The following DACH1 variants were observed in gnomAD, a reference collection of about 807,000 sequenced individuals.
The protein encoded by DACH1 is dachshund family transcription factor 1.
Under a neutral mutation model 54.2 loss-of-function variants are expected in DACH1, and 12 were observed. That is an observed-to-expected ratio of 0.22 (90% CI 0.14 to 0.36). DACH1 has a LOEUF of 0.36. Ranked by LOEUF, DACH1 falls within the 10% of genes least tolerant of loss-of-function variation. The pLI, the probability that DACH1 is intolerant of heterozygous loss-of-function variation, is 1.00. For missense variants in DACH1, 805 were observed against 929.8 expected, an observed-to-expected ratio of 0.87 and a Z score of 1.75; for synonymous variants, 386 against 366.2, an observed-to-expected ratio of 1.05 and a Z score of -0.62.
chr13:71,530,051 A>G (rs1314901254), intron 6 of DACH1, among the ~76,000 whole-genome samples: 1 of 152,218 alleles, frequency 6.6e-6, no homozygotes, highest in African/African-American at 2.4e-5. Context: ...AAATTAAAAG[A>G]CCTTTCATGC....
intron 3 of DACH1, among the ~76,000 whole-genome samples, chr13:71,628,982 A>C (rs916676450): frequency 6.6e-6 from 1 of 152,068 alleles, no homozygotes; most frequent in African/African-American, 2.4e-5. Context: ...TCCTTTTCTA[A>C]AATTTTGAAA....
At chr13:71,456,649 A>AT (rs1875589718) in intron 10 of DACH1, among the ~76,000 whole-genome samples, 1 of 152,070 alleles carries the variant, frequency 6.6e-6, no homozygotes, top group African/African-American at 2.4e-5. Context: ...CAAAATGCTG[A>AT]TTTTATCTTA....
At chr13:71,840,349 C>T (rs986951621) in intron 1 of DACH1, among the ~76,000 whole-genome samples, 1 of 152,174 alleles carries the variant, frequency 6.6e-6, no homozygotes, top group Non-Finnish European at 1.5e-5. Flanking sequence ...TATCATTCCC[C>T]TAATTAAAAA....
In DACH1 at chr13:71,438,627, G is replaced by C. The variant is rs1047679556; in HGVS notation, c.*2028C>G. The C allele has an allele frequency of 4.6e-5, 7 of 152,358 alleles. No homozygotes were observed. Among genetic ancestry groups the C allele is most frequent in the Non-Finnish European group, 1.0e-4 (7 of 67,878 alleles). The allele number at this position is 152,358 out of a possible 1,614,324, so 9.4% of individuals were successfully genotyped here. A position where few individuals can be genotyped will look rare whatever the true frequency, so the allele number is the denominator to read the frequency against. ...AACAGGTGACTCTATGCCAGGAGCA[G>C]AGCAATGGCTGATTCTACTACATAT... On this transcript the variant is annotated 3_prime_UTR_variant, in exon 11 of 11. Coordinates refer to ENST00000613252, the MANE Select transcript of DACH1 (RefSeq NM_080759.6).
At chr13:71,457,403 T>C (rs758982633) in intron 10 of DACH1, among the ~76,000 whole-genome samples, 2 of 152,000 alleles carry the variant, frequency 1.3e-5, no homozygotes, top group Non-Finnish European at 2.9e-5. Context: ...CATAACACTA[T>C]GTATTTTTAT....
chr13:71,788,064 CTATG>C, intron 1 of DACH1, among the ~76,000 whole-genome samples: 1 of 152,084 alleles, frequency 6.6e-6, no homozygotes, highest in African/African-American at 2.4e-5. Context: ...TATAAACACA[CTATG>C]TGTGTATGTG....
At chr13:71,663,013 C>A (rs554029888) in intron 2 of DACH1, among the ~76,000 whole-genome samples, 1 of 152,024 alleles carries the variant, frequency 6.6e-6, no homozygotes, top group South Asian at 2.1e-4. Flanking sequence ...GTGCGCATTT[C>A]ACAAATAAAT....
intron 1 of DACH1, among the ~76,000 whole-genome samples, chr13:71,766,840 TAAAA>T (rs574549328): frequency 1.4e-5 from 2 of 146,576 alleles, no homozygotes; most frequent in Non-Finnish European, 3.0e-5. Context: ...AGAAAAGGCT[TAAAA>T]AAAAAAAGCT....
chr13:71,765,172 C>T (rs1885567571), intron 1 of DACH1, among the ~76,000 whole-genome samples: 1 of 152,154 alleles, frequency 6.6e-6, no homozygotes, highest in African/African-American at 2.4e-5. Context: ...TTATCTTTTT[C>T]CTCATTCTGT....
intron 6 of DACH1, among the ~76,000 whole-genome samples, chr13:71,525,169 A>C (rs1182151618): frequency 6.6e-6 from 1 of 152,176 alleles, no homozygotes; most frequent in African/African-American, 2.4e-5. Context: ...AGGAAACCGC[A>C]GATGGGCTGA....
At chr13:71,463,004 A>T (rs1472487345) in intron 10 of DACH1, among the ~76,000 whole-genome samples, 1 of 151,952 alleles carries the variant, frequency 6.6e-6, no homozygotes, top group African/African-American at 2.4e-5. Context: ...ATTTTGACAG[A>T]ATAAAAATAT....
intron 2 of DACH1, among the ~76,000 whole-genome samples, chr13:71,668,142 C>T (rs1366053901): frequency 3.3e-5 from 5 of 151,864 alleles, no homozygotes; most frequent in Non-Finnish European, 7.4e-5. Flanking sequence ...TAATGCTTTA[C>T]TTTGGGAACT....
At chr13:71,442,662 G>A (rs1874108483) in intron 10 of DACH1, among the ~76,000 whole-genome samples, 1 of 151,976 alleles carries the variant, frequency 6.6e-6, no homozygotes, top group Non-Finnish European at 1.5e-5. Flanking sequence ...TGAAATCATG[G>A]ATAGTACCAA....
At chr13:71,504,627 G>A (rs965282815) in intron 6 of DACH1, among the ~76,000 whole-genome samples, 2 of 152,106 alleles carry the variant, frequency 1.3e-5, no homozygotes, top group Non-Finnish European at 2.9e-5. Context: ...TGATCATCAA[G>A]TTGTAGCTCA....
intron 1 of DACH1, among the ~76,000 whole-genome samples, chr13:71,787,585 C>T (rs1226106674): frequency 6.6e-6 from 1 of 152,148 alleles, no homozygotes; most frequent in African/African-American, 2.4e-5. Flanking sequence ...CTTCGCTTGC[C>T]TCTTTCTCCC....
chr13:71,627,240 T>C (rs1475190262), intron 3 of DACH1, among the ~76,000 whole-genome samples: 1 of 150,550 alleles, frequency 6.6e-6, no homozygotes, highest in Admixed American at 6.7e-5. Context: ...CCTGTCGTCT[T>C]ACCCAGCAAA....
intron 2 of DACH1, among the ~76,000 whole-genome samples, chr13:71,658,068 T>A (rs1879251856): frequency 6.6e-6 from 1 of 152,210 alleles, no homozygotes; most frequent in African/African-American, 2.4e-5. Flanking sequence ...TTCTGAACCA[T>A]AACTCTGTAG....
rs572937718 is a variant in DACH1 at position 71,677,765 on chromosome 13, G to A, written c.964+4030C>T. The stretch of plus-strand genomic sequence containing the variant: ...AGACAGAGTCTCACTCTGTTGTCAG[G>A]CTGGAGTGCAGTGGTGCGATCTCGG... On this transcript the variant is annotated intron_variant, in intron 2 of 10. Transcript: ENST00000613252. Among the ~76,000 whole-genome samples the A allele has an allele frequency of 3.9e-5, 6 of 152,196 alleles. No homozygotes were observed. In the South Asian group the frequency reaches 8.3e-4, roughly 21 times the overall value.
intron 1 of DACH1, among the ~76,000 whole-genome samples, chr13:71,817,324 A>G (rs1887998350): frequency 6.6e-6 from 1 of 152,182 alleles, no homozygotes; most frequent in Admixed American, 6.5e-5. Context: ...AGTTGTGTAG[A>G]GTGCTGTTAC....
Sources: allele counts gnomAD v4.1 joint callset (sites outside exome capture counted in the v4.1 genomes callset), GRCh38; gene constraint gnomAD v4.1.1; transcripts MANE v1.5; gene names NCBI Gene and HGNC (gene_info 2026-07-23, HGNC 2026-07-21).